NRROS: variants seen among roughly 807,000 people sequenced by gnomAD.
The protein encoded by NRROS is negative regulator of reactive oxygen species.
A neutral mutation model predicts 12.0 loss-of-function variants in NRROS; 6 were observed. The observed-to-expected ratio is 0.50, with a 90% CI of 0.27 to 0.98. NRROS has a LOEUF of 0.98. NRROS is among the 50% of genes least tolerant of loss of function. The pLI is 0.11. For synonymous variants in NRROS, 462 were observed against 410.2 expected, an observed-to-expected ratio of 1.13 and a Z score of -1.53; for missense variants, 857 against 888.2, an observed-to-expected ratio of 0.96 and a Z score of 0.45.
intron 2 of NRROS, among the ~76,000 whole-genome samples, chr3:196,657,203 C>CAA (rs916834660): frequency 6.8e-4 from 77 of 112,998 alleles, no homozygotes; most frequent in African/African-American, 2.3e-3. Context: ...GACTCCGTAT[C>CAA]AAAAAAAAAA....
rs1191435683 is a variant in NRROS, at chr3:196,654,354, C to T, written c.-13-173C>T. On this transcript the variant is annotated intron_variant, in intron 1 of 2. Transcript: ENST00000328557. The surrounding 1 kb of genome is among the most constrained non-coding windows in gnomAD (Gnocchi z 4.4). ...CTTGTCAACAGTTTCAGTGAAAGGC[C>T]GGAAGTCTTGGCTAAATGGAGGTAT... 6.6e-6 allele frequency among the ~76,000 whole-genome samples: 1 copy of T among 152,142 alleles called. No individual in the cohort carries two copies. Among genetic ancestry groups the T allele is most frequent in the South Asian group, 2.1e-4 (1 of 4,832 alleles).
chr3:196,660,093 C>A lies in NRROS; in HGVS notation c.450C>A (p.Ala150=), dbSNP rs1798631. 6.2e-7 allele frequency: 1 copy of A among 1,612,774 alleles called. No homozygotes were observed. Among genetic ancestry groups the A allele is most frequent in the South Asian group, 1.1e-5 (1 of 91,056 alleles). Residue 150 remains alanine, a synonymous_variant, in exon 3 of 3, where the codon GCC becomes GCA. Coordinates refer to ENST00000328557, the MANE Select transcript of NRROS (RefSeq NM_198565.3). The surrounding 1 kb of genome is among the most constrained non-coding windows in gnomAD (Gnocchi z 7.7). ...ACGCCCTGACGGAGGACATGGCAGC[C>A]CTCATGCTCCAGAACCTCTCCTCGC... ...SGNALTEDMA[A]LMLQNLSSLR...
In NRROS at chr3:196,654,752, G is replaced by A; in HGVS notation, c.108+105G>A. Reference sequence around the variant, plus strand: ...TCCATCAGGAAGGGCAGAGAATGAAGGAGCCTGCATCACTCTGTGCCTGCC... The same window carrying A: ...TCCATCAGGAAGGGCAGAGAATGAAAGAGCCTGCATCACTCTGTGCCTGCC... On this transcript the variant is annotated intron_variant, in intron 2 of 2. Coordinates refer to ENST00000328557, the MANE Select transcript of NRROS (RefSeq NM_198565.3). This position sits in a 1 kb window ranked among gnomAD's most constrained non-coding sequence, Gnocchi z 4.4. 1 of 703,570 alleles carries A rather than the reference G, an allele frequency of 1.4e-6. No homozygotes were observed. The highest frequency in any genetic ancestry group is 2.4e-6 in the Non-Finnish European group (1 of 412,310). The allele number at this position is 703,570 out of a possible 1,614,324, so 43.6% of individuals were successfully genotyped here.
At position 196,661,444 on chromosome 3, in the gene NRROS, G is replaced by A; in HGVS notation, c.1801G>A (p.Val601Met). 2 of 1,592,284 alleles carry A rather than the reference G, an allele frequency of 1.3e-6. No individual in the cohort carries two copies. The highest frequency in any genetic ancestry group is 1.3e-5 in the African/African-American group (1 of 74,830). ...TCAGAATCCATATGACTGCTGTGGG[G>A]TGGATGGCTGGGGGGCCCTGCAGCA... is the stretch of plus-strand genomic sequence containing the variant. ...LSQNPYDCCG[V>M]DGWGALQHGQ... Residue 601 changes from valine to methionine, a missense_variant, in exon 3 of 3, where the codon GTG becomes ATG. Physicochemically the swap from Val to Met is conservative, Grantham distance 21. Transcript: ENST00000328557.
At chr3:196,641,494 C>G (rs954096558) in intron 1 of NRROS, among the ~76,000 whole-genome samples, 2 of 152,138 alleles carry the variant, frequency 1.3e-5, no homozygotes, top group Non-Finnish European at 2.9e-5. Context: ...GGAGTGTGGG[C>G]GTGAGTCACC....
chr3:196,650,801 T>G (rs371691306), intron 1 of NRROS, among the ~76,000 whole-genome samples: 3 of 152,226 alleles, frequency 2.0e-5, no homozygotes, highest in African/African-American at 7.2e-5. Context: ...TAGACAAGGT[T>G]GGCTATGGAG....
At chr3:196,653,035 C>T (rs9848767) in intron 1 of NRROS, among the ~76,000 whole-genome samples, 43,198 of 151,968 alleles carry the variant, frequency 0.28, 6,497 homozygotes, top group African/African-American at 0.37. Context: ...TATTTCATGG[C>T]GGGCAGTGGT....
At position 196,650,518 on chromosome 3, in the gene NRROS, G is replaced by T. The variant is rs578244819; in HGVS notation, c.-13-4009G>T. Among the ~76,000 whole-genome samples, 8 of 151,744 alleles carry T rather than the reference G, an allele frequency of 5.3e-5. No homozygotes were observed. In the East Asian group the frequency reaches 1.5e-3, roughly 29 times the overall value. On this transcript the variant is annotated intron_variant, in intron 1 of 2. Coordinates refer to ENST00000328557, the MANE Select transcript of NRROS (RefSeq NM_198565.3). ...TGGTCTCGAACTCCTGAGACCCAGT[G>T]ACCCCCCACTCCTTGGCCTCCCAAA...
Position 196,661,566 on chromosome 3 carries a change from C to T in NRROS, c.1923C>T (p.Cys641=), listed in dbSNP as rs1213078249. ...TELPGGVPRD[C]KWERLDLGLL... The stretch of plus-strand genomic sequence containing the variant: ...TGCCCGGAGGTGTGCCTCGGGACTG[C>T]AAGTGGGAGCGGCTGGACCTGGGCC... Residue 641 remains cysteine, a synonymous_variant, in exon 3 of 3, where the codon TGC becomes TGT. Transcript: ENST00000328557. 1.2e-6 allele frequency: 2 copies of T among 1,614,022 alleles called. No individual in the cohort carries two copies. The highest frequency in any genetic ancestry group is 1.7e-6 in the Non-Finnish European group (2 of 1,180,014).
chr3:196,659,304 T>A (rs1435233522), intron 2 of NRROS, among the ~76,000 whole-genome samples: 1 of 147,946 alleles, frequency 6.8e-6, no homozygotes, highest in Non-Finnish European at 1.5e-5. Context: ...TCCTTTTTTT[T>A]TTTTTTTTTT....
At chr3:196,651,320 C>T (rs75899526) in intron 1 of NRROS, among the ~76,000 whole-genome samples, 5,030 of 152,194 alleles carry the variant, frequency 0.033, 275 homozygotes, top group African/African-American at 0.12. Context: ...AACCAGGAAA[C>T]GGAAACTGCC....
At chr3:196,641,205 AT>A (rs1737202912) in intron 1 of NRROS, among the ~76,000 whole-genome samples, 1 of 151,996 alleles carries the variant, frequency 6.6e-6, no homozygotes, top group Middle Eastern at 3.2e-3. Context: ...CTTTTTAAAA[AT>A]ATATATATTT....
chr3:196,648,690 C>T (rs1000613454), intron 1 of NRROS, among the ~76,000 whole-genome samples: 3 of 138,962 alleles, frequency 2.2e-5, no homozygotes, highest in Admixed American at 8.0e-5. Context: ...CACTTGAACC[C>T]GGGAGGCGGA....
Position 196,661,871 on chromosome 3 carries a change from A to AC in NRROS, c.*154dup, listed in dbSNP as rs1284518921. 4.5e-6 allele frequency: 2 copies of AC among 439,912 alleles called. No individual in the cohort carries two copies. Among genetic ancestry groups the AC allele is most frequent in the Non-Finnish European group, 7.0e-6 (2 of 287,018 alleles). 27.3% of individuals were successfully genotyped at this position (439,912 alleles called of 1,614,324 possible). ...GTTTCCATTCCTCATCGCCCACCCC[A>AC]CCCCCGCCCCCACCACCGCCCAAGT... On this transcript the variant is annotated 3_prime_UTR_variant, in exon 3 of 3. Coordinates refer to ENST00000328557, the MANE Select transcript of NRROS (RefSeq NM_198565.3).
rs766777242 is a variant in NRROS, at chr3:196,654,488, CCTT to C, written c.-13-36_-13-34del. ...TAATACAAACAGCCCTCTGGGATGT[CCTT>C]CTCTGACTTACCTCTTCCCTGCTCT... On this transcript the variant is annotated intron_variant, in intron 1 of 2. Transcript: ENST00000328557. This position sits in a 1 kb window ranked among gnomAD's most constrained non-coding sequence, Gnocchi z 4.4. 1.4e-5 allele frequency: 17 copies of C among 1,205,726 alleles called. No homozygotes were observed. The highest frequency in any genetic ancestry group is 2.1e-5 in the Non-Finnish European group (17 of 806,898). The allele number at this position is 1,205,726 out of a possible 1,614,324, so 74.7% of individuals were successfully genotyped here.
intron 2 of NRROS, 41 bp from the exon 3 acceptor site, chr3:196,659,711 C>G (rs1385393835): frequency 1.3e-6 from 2 of 1,570,140 alleles, no homozygotes; most frequent in East Asian, 2.3e-5. Context: ...ATGCTTGCCT[C>G]TGGGCCTCCT....
Position 196,639,827 on chromosome 3 carries a change from GC to G in NRROS, c.-57del. ...TTCGGCTGCTCTCGAGGAGGCCGGAGCCCCCGGAGACGATGCGCCCCGCGCA... is the reference window on the plus strand; with the variant it reads ...TTCGGCTGCTCTCGAGGAGGCCGGAGCCCCGGAGACGATGCGCCCCGCGCA... On this transcript the variant is annotated 5_prime_UTR_variant, in exon 1 of 3. The change abolishes the stop of an existing upstream ORF in the 5' untranslated region. Coordinates refer to ENST00000328557, the MANE Select transcript of NRROS (RefSeq NM_198565.3). 6.6e-6 allele frequency: 1 copy of G among 152,550 alleles called. No homozygotes were observed. Among genetic ancestry groups the G allele is most frequent in the South Asian group, 2.1e-4 (1 of 4,840 alleles). 9.4% of individuals were successfully genotyped at this position (152,550 alleles called of 1,614,324 possible). A position where few individuals can be genotyped will look rare whatever the true frequency, so the allele number is the denominator to read the frequency against.
chr3:196,642,240 TG>T (rs1364574557), intron 1 of NRROS, among the ~76,000 whole-genome samples: 1 of 150,346 alleles, frequency 6.7e-6, no homozygotes, highest in Admixed American at 6.6e-5. Context: ...TTAGATAGAT[TG>T]GTTTGGTAGC....
chr3:196,660,634 C>G lies in NRROS; in HGVS notation c.991C>G (p.Arg331Gly). Reference sequence around the variant, plus strand: ...CTCCTCCAGCGACCTCGCAGATCTCCGCTTCCTGGACATGAGCCAGAACCA... The same window carrying G: ...CTCCTCCAGCGACCTCGCAGATCTCGGCTTCCTGGACATGAGCCAGAACCA... ...EFSSSDLADL[R>G]FLDMSQNQFQ... The change falls in exon 3 of 3, where the codon CGC (arginine) becomes GGC (glycine). Residue 331 changes from arginine (R) to glycine (G), a missense_variant. Transcript: ENST00000328557. The surrounding 1 kb of genome is among the most constrained non-coding windows in gnomAD (Gnocchi z 7.7). 1 of 1,614,218 alleles carries G rather than the reference C, an allele frequency of 6.2e-7. No homozygotes were observed. Among genetic ancestry groups the G allele is most frequent in the Non-Finnish European group, 8.5e-7 (1 of 1,180,030 alleles).
Sources: gnomAD v4.1 joint callset for allele counts (sites outside exome capture counted in the v4.1 genomes callset) on GRCh38, gnomAD v4.1.1 for gene constraint, Gnocchi (gnomAD v3.1) non-coding constraint, MANE v1.5 for transcripts, NCBI Gene and HGNC (gene_info 2026-07-23, HGNC 2026-07-21) for gene names.